The following GUCA1C variants were observed in gnomAD, a reference collection of about 807,000 sequenced individuals.
GUCA1C encodes guanylyl cyclase-activating protein 3.
In GUCA1C, 15 loss-of-function variants were observed where a neutral mutation model predicts 16.2. That is an observed-to-expected ratio of 0.93 (90% CI 0.62 to 1.43). The LOEUF (loss-of-function observed/expected upper bound fraction) is 1.43, where lower values mean the gene tolerates loss of function less well. Ranked by LOEUF, GUCA1C falls within the 40% of genes most tolerant of loss-of-function variation. GUCA1C has a pLI of 0.00. For synonymous variants in GUCA1C, 78 were observed against 85.4 expected (o/e 0.91, Z 0.48); for missense variants, 275 against 244.8 (o/e 1.12, Z -0.82).
intron 1 of GUCA1C, 142 bp downstream of exon 1, chr3:108,953,417 C>G: frequency 1.6e-6 from 1 of 619,242 alleles, no homozygotes; most frequent in Non-Finnish European, 2.9e-6. Flanking sequence ...CACTTACCTA[C>G]AAGCTGTGAG....
At chr3:108,916,337 G>C in intron 2 of GUCA1C, 123 bp from the exon 3 acceptor site, 1 of 757,896 alleles carries the variant, frequency 1.3e-6, no homozygotes, top group Non-Finnish European at 2.2e-6. Context: ...ACCTGTACCA[G>C]TTGTTAAAAG....
intron 1 of GUCA1C, among the ~76,000 whole-genome samples, chr3:108,949,136 C>A (rs1355668671): frequency 6.6e-6 from 1 of 152,176 alleles, no homozygotes; most frequent in African/African-American, 2.4e-5. Flanking sequence ...GCATGAGCCA[C>A]TGCAGTGGCC....
intron 1 of GUCA1C, among the ~76,000 whole-genome samples, chr3:108,929,252 G>A (rs1946646715): frequency 6.6e-6 from 1 of 152,152 alleles, no homozygotes; most frequent in Non-Finnish European, 1.5e-5. Context: ...GGAAAGTGAT[G>A]ACTGATGACT....
In GUCA1C at chr3:108,916,116, A is replaced by G; in HGVS notation, c.442+11T>C. ...TAGGAAAAGTGATCCAGTAGAGAGT[A>G]GCTCCATTACCATCATTGTTTATAT... On this transcript the variant is annotated intron_variant, in intron 3 of 3. Transcript: ENST00000261047. 6.2e-7 allele frequency: 1 copy of G among 1,612,610 alleles called. No homozygotes were observed.
upstream of GUCA1C, among the ~76,000 whole-genome samples, chr3:108,954,129 A>G (rs1206618283): frequency 6.6e-6 from 1 of 152,196 alleles, no homozygotes; most frequent in Non-Finnish European, 1.5e-5. Flanking sequence ...TTGAGTTGCA[A>G]TCAGGAAGCC....
At chr3:108,931,924 A>G (rs1576551065) in intron 1 of GUCA1C, among the ~76,000 whole-genome samples, 2 of 135,670 alleles carry the variant, frequency 1.5e-5, no homozygotes, top group East Asian at 4.2e-4. Flanking sequence ...GCTGGAGTGC[A>G]GTAGTGCAAT....
At chr3:108,934,672 A>C (rs1048689725) in intron 1 of GUCA1C, among the ~76,000 whole-genome samples, 1 of 152,140 alleles carries the variant, frequency 6.6e-6, no homozygotes, top group African/African-American at 2.4e-5. Flanking sequence ...TACACCATGA[A>C]ATACTATGCA....
intron 1 of GUCA1C, among the ~76,000 whole-genome samples, 178 bp downstream of exon 1, chr3:108,953,381 G>A (rs1440616027): frequency 1.3e-5 from 2 of 151,680 alleles, no homozygotes; most frequent in Admixed American, 1.3e-4. Flanking sequence ...TTTTCATGCC[G>A]TCAGTACTAA....
chr3:108,942,091 A>G (rs1238004266), intron 1 of GUCA1C, among the ~76,000 whole-genome samples: 1 of 152,168 alleles, frequency 6.6e-6, no homozygotes, highest in Admixed American at 6.5e-5. Flanking sequence ...TCTAATCCTG[A>G]TGTGTAGTTT....
intron 1 of GUCA1C, among the ~76,000 whole-genome samples, chr3:108,938,264 A>G (rs1946749514): frequency 6.6e-6 from 1 of 152,132 alleles, no homozygotes; most frequent in Non-Finnish European, 1.5e-5. Flanking sequence ...TCTGTGAAAA[A>G]TTCATGAATT....
At position 108,932,577 on chromosome 3, in the gene GUCA1C, A is replaced by G. The variant is rs1367557216; in HGVS notation, c.205-11992T>C. Among the ~76,000 whole-genome samples, 101 of 152,284 alleles carry G rather than the reference A, an allele frequency of 6.6e-4. 2 individuals are homozygous for G. Among genetic ancestry groups the G allele is most frequent in the South Asian group, 4.1e-4 (2 of 4,832 alleles). ...ATGTAACCTTATTAAAACTAATTTG[A>G]AAAATTATGACCCATATGGCTCAGT... On this transcript the variant is annotated intron_variant, in intron 1 of 3. Transcript: ENST00000261047.
intron 1 of GUCA1C, among the ~76,000 whole-genome samples, chr3:108,929,405 G>A (rs930134122): frequency 6.6e-6 from 1 of 152,062 alleles, no homozygotes; most frequent in Non-Finnish European, 1.5e-5. Context: ...TGCAAAGACA[G>A]TTTTATTTTC....
intron 1 of GUCA1C, among the ~76,000 whole-genome samples, chr3:108,952,075 C>T (rs575138998): frequency 6.6e-6 from 1 of 152,318 alleles, no homozygotes; most frequent in South Asian, 2.1e-4. Context: ...ATTTTCTAAC[C>T]TCTCAGGAGT....
chr3:108,911,660 T>C (rs1576542696), intron 3 of GUCA1C, among the ~76,000 whole-genome samples: 1 of 152,354 alleles, frequency 6.6e-6, no homozygotes, highest in East Asian at 1.9e-4. Context: ...TCTTATCTCC[T>C]GGTAATTCTC....
chr3:108,943,622 GT>G (rs1165271777), intron 1 of GUCA1C, among the ~76,000 whole-genome samples: 2 of 152,204 alleles, frequency 1.3e-5, no homozygotes, highest in African/African-American at 2.4e-5. Flanking sequence ...ATCCTGGAGA[GT>G]GGCGGGAGAG....
chr3:108,911,618 T>C (rs1946454547), intron 3 of GUCA1C, among the ~76,000 whole-genome samples: 1 of 152,210 alleles, frequency 6.6e-6, no homozygotes, highest in East Asian at 1.9e-4. Flanking sequence ...CATGCAGTAG[T>C]TTCTTTTCCT....
chr3:108,936,657 G>A (rs1203202925), intron 1 of GUCA1C, among the ~76,000 whole-genome samples: 1 of 152,212 alleles, frequency 6.6e-6, no homozygotes, highest in Non-Finnish European at 1.5e-5. Flanking sequence ...GATGGGACAC[G>A]TTCAGTGCAG....
intron 3 of GUCA1C, among the ~76,000 whole-genome samples, chr3:108,910,495 G>GA (rs112235016): frequency 0.025 from 3,551 of 140,088 alleles, 156 homozygotes; most frequent in African/African-American, 0.084. Context: ...GAGACTGTCT[G>GA]AAAAAAAAAA....
intron 1 of GUCA1C, among the ~76,000 whole-genome samples, chr3:108,939,686 G>C (rs1330785615): frequency 6.6e-6 from 1 of 151,668 alleles, no homozygotes; most frequent in African/African-American, 2.4e-5. Context: ...AACTGCTTCT[G>C]AATTAGTAGT....
Sources: allele counts gnomAD v4.1 joint callset (sites outside exome capture counted in the v4.1 genomes callset), GRCh38; gene constraint gnomAD v4.1.1; transcripts MANE v1.5; gene names NCBI Gene and HGNC (gene_info 2026-07-23, HGNC 2026-07-21).